Variants in SEMA3A observed in about 807,000 individuals in gnomAD.
SEMA3A encodes semaphorin-3A.
A neutral mutation model predicts 97.9 loss-of-function variants in SEMA3A; 29 were observed. The observed-to-expected ratio is 0.30, with a 90% confidence interval of 0.22 to 0.40. The LOEUF (loss-of-function observed/expected upper bound fraction) is 0.40, where lower values mean the gene tolerates loss of function less well. Among genes scored for constraint, SEMA3A ranks in the 10% least tolerant of loss-of-function variants. The probability of loss-of-function intolerance (pLI) is 1.00; values close to 1 mark genes in which losing one functional copy is unlikely to be tolerated. For synonymous variants in SEMA3A, 321 were observed against 323.7 expected (o/e 0.99, Z 0.09); for missense variants, 763 against 951.3 (o/e 0.80, Z 2.60).
chr7:84,277,360 G>T (rs1354170043), intron 3 of SEMA3A, among the ~76,000 whole-genome samples: 2 of 152,118 alleles, frequency 1.3e-5, no homozygotes, highest in African/African-American at 4.8e-5. Context: ...GGGTGTGTGT[G>T]TGAATACAAA....
chr7:84,020,051 T>TTTTTTTTTTTTTTTTTTTTTTTTTTC (rs1791268615), intron 6 of SEMA3A, among the ~76,000 whole-genome samples: 1 of 126,364 alleles, frequency 7.9e-6, no homozygotes, highest in Non-Finnish European at 1.7e-5. Context: ...TTTTTTTTTT[T>TTTTTTTTTTTTTTTTTTTTTTTTTTC]TTTTTTTTTT....
At chr7:84,020,681 C>T (rs1199505266) in intron 6 of SEMA3A, among the ~76,000 whole-genome samples, 2 of 152,086 alleles carry the variant, frequency 1.3e-5, no homozygotes, top group Non-Finnish European at 2.9e-5. Flanking sequence ...CCATCTCTTG[C>T]AGGACTTCTT....
chr7:83,993,647 A>C (rs867789843), intron 12 of SEMA3A, among the ~76,000 whole-genome samples: 21 of 128,148 alleles, frequency 1.6e-4, no homozygotes, highest in South Asian at 5.5e-4. Context: ...ATTGGCCCCC[A>C]CTCTCTTCTG....
intron 6 of SEMA3A, among the ~76,000 whole-genome samples, chr7:84,034,891 T>A (rs906333465): frequency 3.3e-5 from 5 of 152,176 alleles, no homozygotes; most frequent in Non-Finnish European, 5.9e-5. Context: ...CTTCCAACTT[T>A]CTTTTGAATA....
intron 3 of SEMA3A, among the ~76,000 whole-genome samples, chr7:84,220,997 A>G (rs1798866177): frequency 6.6e-6 from 1 of 152,176 alleles, no homozygotes; most frequent in South Asian, 2.1e-4. Flanking sequence ...CTTGGATGGC[A>G]TCTTCTTCCA....
At chr7:84,313,364 A>G (rs1344028880) in intron 2 of SEMA3A, among the ~76,000 whole-genome samples, 1,131 of 19,354 alleles carry the variant, frequency 0.058, 52 homozygotes, top group African/African-American at 0.097. Context: ...GTGTATATAT[A>G]TATATATATA....
chr7:84,471,615 A>T (rs1157943657), intron 1 of SEMA3A, among the ~76,000 whole-genome samples: 2 of 152,076 alleles, frequency 1.3e-5, no homozygotes, highest in African/African-American at 4.8e-5. Flanking sequence ...CAAAAATAGA[A>T]ATTGTGTTAG....
At chr7:84,260,421 C>T (rs1465649665) in intron 3 of SEMA3A, among the ~76,000 whole-genome samples, 1 of 151,380 alleles carries the variant, frequency 6.6e-6, no homozygotes, top group Non-Finnish European at 1.5e-5. Flanking sequence ...GTTGGTGGGG[C>T]AGGAGCCCAC....
intron 1 of SEMA3A, among the ~76,000 whole-genome samples, chr7:84,405,954 C>A (rs2116231053): frequency 6.6e-6 from 1 of 152,148 alleles, no homozygotes; most frequent in African/African-American, 2.4e-5. Context: ...CAGGAAAGAT[C>A]TAAAATTCAC....
chr7:83,990,149 AC>A (rs1318573998), intron 12 of SEMA3A, among the ~76,000 whole-genome samples: 2 of 151,610 alleles, frequency 1.3e-5, no homozygotes, highest in Non-Finnish European at 2.9e-5. Flanking sequence ...TCCTTCGCCC[AC>A]TTTTTGATGG....
At chr7:84,400,395 G>T (rs941766969) in intron 1 of SEMA3A, among the ~76,000 whole-genome samples, 1 of 152,172 alleles carries the variant, frequency 6.6e-6, no homozygotes, top group Non-Finnish European at 1.5e-5. Context: ...CAAGAAAACA[G>T]ATGGAAGGAA....
intron 2 of SEMA3A, among the ~76,000 whole-genome samples, chr7:84,361,614 G>A (rs927909109): frequency 6.6e-6 from 1 of 151,972 alleles, no homozygotes; most frequent in Admixed American, 6.6e-5. Context: ...TAAAATAAGA[G>A]TCAAGGGAAG....
chr7:83,991,444 T>C (rs1789928436), intron 12 of SEMA3A, among the ~76,000 whole-genome samples: 1 of 150,784 alleles, frequency 6.6e-6, no homozygotes, highest in Non-Finnish European at 1.5e-5. Context: ...CAGTATGATA[T>C]TGGCTGTGGG....
In SEMA3A at chr7:84,194,663, T is replaced by G; in HGVS notation, c.-77A>C. ...TGCGGCCAGAGAAGTTCAAACAATC[T>G]GGAAACTGGAGGTAACAGGTGATTT... On this transcript the variant is annotated 5_prime_UTR_variant, in exon 1 of 17. Transcript: ENST00000265362. The G allele has an allele frequency of 1.1e-6, 1 of 887,440 alleles. No individual in the cohort carries two copies. Among genetic ancestry groups the G allele is most frequent in the East Asian group, 2.4e-5 (1 of 40,930 alleles). 55.0% of individuals were successfully genotyped at this position (887,440 alleles called of 1,614,324 possible).
chr7:84,052,284 C>T lies in SEMA3A; in HGVS notation c.548-5841G>A, dbSNP rs192878353. 7.0e-3 allele frequency among the ~76,000 whole-genome samples: 1,070 copies of T among 152,214 alleles called. 7 individuals carry two copies. The highest frequency in any genetic ancestry group is 0.02 in the African/African-American group (839 of 41,512). Reference sequence around the variant, plus strand: ...TTGATTGGAATAGTTTCAGAAGGAACGCTACCAGTTCCTCCTTGTACCTCT... The same window carrying T: ...TTGATTGGAATAGTTTCAGAAGGAATGCTACCAGTTCCTCCTTGTACCTCT... On this transcript the variant is annotated intron_variant, in intron 5 of 16. Coordinates refer to ENST00000265362, the MANE Select transcript of SEMA3A (RefSeq NM_006080.3).
At chr7:84,182,086 T>G (rs1797752142) in intron 1 of SEMA3A, among the ~76,000 whole-genome samples, 1 of 152,178 alleles carries the variant, frequency 6.6e-6, no homozygotes, top group Admixed American at 6.5e-5. Context: ...TCTCAACATG[T>G]TCTTCATTCT....
At chr7:84,487,235 C>G (rs1806598760) in intron 1 of SEMA3A, among the ~76,000 whole-genome samples, 1 of 152,070 alleles carries the variant, frequency 6.6e-6, no homozygotes, top group Non-Finnish European at 1.5e-5. Flanking sequence ...ACCCAGGTGG[C>G]CAGGAGTCTA....
intron 1 of SEMA3A, among the ~76,000 whole-genome samples, chr7:84,382,900 A>G (rs1025627607): frequency 1.3e-5 from 2 of 151,832 alleles, no homozygotes; most frequent in African/African-American, 4.8e-5. Context: ...AAACAAAACA[A>G]AAGTTGTGTA....
chr7:84,062,851 C>T (rs1237817045), intron 4 of SEMA3A, among the ~76,000 whole-genome samples: 1 of 102,026 alleles, frequency 9.8e-6, no homozygotes, highest in Non-Finnish European at 1.8e-5. Context: ...GGAGGGGCGT[C>T]CGCCATTGCC....
Sources: allele counts gnomAD v4.1 joint callset (sites outside exome capture counted in the v4.1 genomes callset), GRCh38; gene constraint gnomAD v4.1.1; transcripts MANE v1.5; gene names NCBI Gene and HGNC (gene_info 2026-07-23, HGNC 2026-07-21).